CCDC30: variants seen among roughly 807,000 people sequenced by gnomAD.
CCDC30 encodes coiled-coil domain containing 30, also known as coiled-coil domain-containing protein 30.
A neutral mutation model predicts 100.2 loss-of-function variants in CCDC30; 70 were observed. That is an observed-to-expected ratio of 0.70 (90% confidence interval 0.58 to 0.85). The LOEUF is 0.85. CCDC30 is among the 40% of genes least tolerant of loss of function. The pLI, the probability that CCDC30 is intolerant of heterozygous loss-of-function variation, is 0.00. For missense variants in CCDC30, 652 were observed against 771.2 expected, an observed-to-expected ratio of 0.85 and a Z score of 1.83; for synonymous variants, 233 against 269.5, an observed-to-expected ratio of 0.86 and a Z score of 1.33.
At chr1:42,479,904 G>C (rs1643931101) in intron 1 of CCDC30, among the ~76,000 whole-genome samples, 1 of 152,134 alleles carries the variant, frequency 6.6e-6, no homozygotes, top group African/African-American at 2.4e-5. Context: ...GGCTGGCAGG[G>C]AAGTGAAACT....
chr1:42,590,062 T>G (rs908822030), intron 10 of CCDC30: 18 of 152,350 alleles, frequency 1.2e-4, no homozygotes, highest in Admixed American at 6.5e-4. Flanking sequence ...GATGCTGTCC[T>G]CACGATAATG....
chr1:42,494,075 C>T (rs61777374), intron 4 of CCDC30, among the ~76,000 whole-genome samples: 585 of 152,248 alleles, frequency 3.8e-3, no homozygotes, highest in Non-Finnish European at 6.2e-3. Flanking sequence ...AAGAACAAAG[C>T]TGGAGGCATC....
intron 1 of CCDC30, among the ~76,000 whole-genome samples, chr1:42,465,634 G>T (rs191622538): frequency 6.4e-4 from 98 of 152,206 alleles, no homozygotes; most frequent in African/African-American, 2.2e-3. Context: ...CAAAGTGCTG[G>T]GATTACAAGT....
At chr1:42,548,216 A>G (rs1327145336) in intron 6 of CCDC30, among the ~76,000 whole-genome samples, 2 of 152,206 alleles carry the variant, frequency 1.3e-5, no homozygotes, top group South Asian at 4.1e-4. Flanking sequence ...GGACAGTGGG[A>G]AACTACTACA....
At chr1:42,538,001 AGT>A (rs1443377966) in intron 6 of CCDC30, 26 of 152,834 alleles carry the variant, frequency 1.7e-4, no homozygotes, top group African/African-American at 6.1e-4. Context: ...ATTTAGCCAA[AGT>A]GTTTTCTCTT....
chr1:42,583,683 A>G (rs1045926795), intron 9 of CCDC30, among the ~76,000 whole-genome samples: 2 of 152,196 alleles, frequency 1.3e-5, no homozygotes, highest in Admixed American at 6.5e-5. Context: ...CAGGAAATAG[A>G]ATCAGTAGGA....
At chr1:42,519,298 A>G (rs1557821336) in intron 6 of CCDC30, among the ~76,000 whole-genome samples, 1 of 152,200 alleles carries the variant, frequency 6.6e-6, no homozygotes, top group Non-Finnish European at 1.5e-5. Context: ...TGTCCTCTTC[A>G]AATGTGTTAA....
At chr1:42,482,511 A>G (rs1643976576) in intron 2 of CCDC30, 152 bp from the exon 3 acceptor site, 1 of 412,816 alleles carries the variant, frequency 2.4e-6, no homozygotes, top group Non-Finnish European at 4.1e-6. Context: ...ACACAGACAC[A>G]CACACATACA....
intron 5 of CCDC30, among the ~76,000 whole-genome samples, chr1:42,498,518 G>A (rs1323487702): frequency 6.6e-6 from 1 of 152,150 alleles, no homozygotes; most frequent in Non-Finnish European, 1.5e-5. Context: ...AATAAAAAGT[G>A]AAGATTGGTA....
intron 11 of CCDC30, among the ~76,000 whole-genome samples, chr1:42,633,414 T>C (rs11210686): frequency 0.22 from 32,720 of 151,980 alleles, 4,034 homozygotes; most frequent in Non-Finnish European, 0.27. Flanking sequence ...ATGATAAGGG[T>C]ATGCACCTGG....
At chr1:42,594,301 G>A (rs1040397394) in intron 10 of CCDC30, 3 of 152,324 alleles carry the variant, frequency 2.0e-5, no homozygotes, top group East Asian at 3.8e-4. Flanking sequence ...TTGAGCTCAG[G>A]AGTTCGAGAC....
chr1:42,531,093 G>A (rs752171746), intron 6 of CCDC30, among the ~76,000 whole-genome samples: 1 of 151,748 alleles, frequency 6.6e-6, no homozygotes. Context: ...GGAGGTGATT[G>A]GATCATGGGG....
intron 11 of CCDC30, among the ~76,000 whole-genome samples, chr1:42,628,627 A>G (rs183192216): frequency 3.2e-4 from 49 of 152,222 alleles, no homozygotes; most frequent in Admixed American, 2.7e-3. Flanking sequence ...CGTGATAGTG[A>G]CTAAGTCTCA....
At chr1:42,458,420 C>CT (rs933727974), upstream of CCDC30, among the ~76,000 whole-genome samples, 1 of 152,126 alleles carries the variant, frequency 6.6e-6, no homozygotes, top group Non-Finnish European at 1.5e-5. Flanking sequence ...AGGAGAAACT[C>CT]TTATCTGTGG....
At chr1:42,639,948 A>G (rs183028107) in intron 12 of CCDC30, among the ~76,000 whole-genome samples, 184 of 146,552 alleles carry the variant, frequency 1.3e-3, no homozygotes, top group African/African-American at 4.5e-3. Flanking sequence ...CTTAGGTGAA[A>G]AGAGTGAAAC....
chr1:42,618,324 C>T (rs558347894), intron 11 of CCDC30, among the ~76,000 whole-genome samples: 2 of 150,916 alleles, frequency 1.3e-5, no homozygotes, highest in South Asian at 2.1e-4. Flanking sequence ...GCAACCTCCG[C>T]CTCTCAGGTT....
At chr1:42,517,747 A>G (rs149132271) in intron 6 of CCDC30, among the ~76,000 whole-genome samples, 39 of 152,286 alleles carry the variant, frequency 2.6e-4, no homozygotes, top group Admixed American at 7.2e-4. Context: ...GCTTCGTTCT[A>G]CCAAACATTT....
intron 3 of CCDC30, among the ~76,000 whole-genome samples, chr1:42,488,148 A>G (rs1048559655): frequency 6.6e-6 from 1 of 152,054 alleles, no homozygotes; most frequent in Admixed American, 6.5e-5. Flanking sequence ...ATAAGTAAAA[A>G]AGTTTTTTTT....
At chr1:42,468,514 A>C (rs1307455588) in intron 1 of CCDC30, 1 of 152,250 alleles carries the variant, frequency 6.6e-6, no homozygotes, top group Non-Finnish European at 1.5e-5. Flanking sequence ...TAAGGAAGTC[A>C]GTCTTGTGAT....
Sources: allele counts gnomAD v4.1 joint callset (sites outside exome capture counted in the v4.1 genomes callset), GRCh38; gene constraint gnomAD v4.1.1; transcripts MANE v1.5; gene names NCBI Gene and HGNC (gene_info 2026-07-23, HGNC 2026-07-21).